Variants in FGD3 observed in about 807,000 individuals in gnomAD.
FGD3 encodes FYVE, RhoGEF and PH domain-containing protein 3.
FGD3 carries 45 observed loss-of-function variants against 71.8 expected under a neutral mutation model. The observed-to-expected ratio is 0.63, with a 90% CI of 0.49 to 0.80. FGD3 has a LOEUF of 0.80. Ranked by LOEUF, FGD3 falls within the 30% of genes least tolerant of loss-of-function variation. The pLI is 0.00. For missense variants in FGD3, 844 were observed against 951.5 expected (o/e 0.89, Z 1.49); for synonymous variants, 378 against 392.8 (o/e 0.96, Z 0.44).
intron 14 of FGD3, among the ~76,000 whole-genome samples, chr9:93,023,877 C>T (rs1458856760): frequency 6.7e-6 from 1 of 149,438 alleles, no homozygotes. Context: ...TCTCAGCTCA[C>T]TGCAACCTCC....
chr9:93,008,396 C>T (rs141772400), intron 6 of FGD3, among the ~76,000 whole-genome samples: 10 of 152,308 alleles, frequency 6.6e-5, no homozygotes, highest in Non-Finnish European at 1.5e-4. Context: ...ACACATTGCG[C>T]TCATTATTGT....
chr9:92,976,758 A>AGG (rs1859777836), intron 3 of FGD3, 49 bp downstream of exon 3: 5 of 1,495,422 alleles, frequency 3.3e-6, no homozygotes, highest in Non-Finnish European at 3.6e-6. Flanking sequence ...GCCTTTCCTT[A>AGG]GGAGGGGTTT....
intron 1 of FGD3, among the ~76,000 whole-genome samples, chr9:92,955,634 A>G (rs1859037373): frequency 6.6e-6 from 1 of 152,174 alleles, no homozygotes; most frequent in African/African-American, 2.4e-5. Context: ...GCAAAACGAT[A>G]TAGGACCATA....
chr9:93,008,275 G>A (rs1002561076), intron 6 of FGD3, among the ~76,000 whole-genome samples: 11 of 152,120 alleles, frequency 7.2e-5, no homozygotes, highest in Admixed American at 2.0e-4. Context: ...GATCAAAATC[G>A]GGGATTTTAC....
In FGD3 at chr9:93,003,618, G is replaced by A. The variant is rs1405015809; in HGVS notation, c.544-383G>A. ...ATCCACATGACAACGTGGGGTTTATGAGCACAGGAAATAAAGCACCCATGG... is the reference window on the plus strand; with the variant it reads ...ATCCACATGACAACGTGGGGTTTATAAGCACAGGAAATAAAGCACCCATGG... On this transcript the variant is annotated intron_variant, in intron 4 of 17. Coordinates refer to ENST00000375482, the MANE Select transcript of FGD3 (RefSeq NM_001083536.2). The surrounding 1 kb of genome is among the most constrained non-coding windows in gnomAD (Gnocchi z 4.1). Among the ~76,000 whole-genome samples the A allele has an allele frequency of 1.3e-5, 2 of 152,194 alleles. No homozygotes were observed. Among genetic ancestry groups the A allele is most frequent in the Non-Finnish European group, 2.9e-5 (2 of 68,036 alleles).
At chr9:93,012,404 C>T (rs1203365874) in intron 8 of FGD3, among the ~76,000 whole-genome samples, 1 of 152,084 alleles carries the variant, frequency 6.6e-6, no homozygotes, top group Non-Finnish European at 1.5e-5. Context: ...ACAAAGTGGT[C>T]CCCGGCCTGC....
chr9:92,978,848 C>T (rs1176095647), intron 3 of FGD3, among the ~76,000 whole-genome samples: 3 of 142,800 alleles, frequency 2.1e-5, no homozygotes, highest in Non-Finnish European at 3.0e-5. Flanking sequence ...TGCCCAGGCT[C>T]ATCTCAAACT....
At chr9:93,023,374 C>T (rs1861998376) in intron 14 of FGD3, among the ~76,000 whole-genome samples, 2 of 152,216 alleles carry the variant, frequency 1.3e-5, no homozygotes, top group Admixed American at 1.3e-4. Context: ...AGATGTAGTG[C>T]TTCAGGGGCA....
chr9:93,009,262 CAA>C (rs11435432), intron 6 of FGD3, among the ~76,000 whole-genome samples: 3 of 148,092 alleles, frequency 2.0e-5, no homozygotes, highest in African/African-American at 7.4e-5. Flanking sequence ...GACTCCGTCT[CAA>C]AAAAAAAAAA....
At chr9:92,993,537 A>G (rs886192952) in intron 3 of FGD3, among the ~76,000 whole-genome samples, 1 of 152,102 alleles carries the variant, frequency 6.6e-6, no homozygotes, top group Non-Finnish European at 1.5e-5. Context: ...ACATATGTAT[A>G]CATGTGCCAT....
At chr9:92,950,004 C>G (rs1471230943) in intron 1 of FGD3, among the ~76,000 whole-genome samples, 1 of 151,134 alleles carries the variant, frequency 6.6e-6, no homozygotes, top group Non-Finnish European at 1.5e-5. Context: ...TCCTTTTCCT[C>G]CCTTCCTTCC....
intron 3 of FGD3, among the ~76,000 whole-genome samples, chr9:92,987,623 T>A (rs7869421): frequency 0.62 from 94,757 of 151,820 alleles, 29,825 homozygotes; most frequent in African/African-American, 0.69. Flanking sequence ...GCTCCGTTTA[T>A]CCTTTGACTT....
intron 3 of FGD3, among the ~76,000 whole-genome samples, chr9:92,991,230 C>G (rs569133083): frequency 2.6e-5 from 4 of 152,208 alleles, no homozygotes; most frequent in Admixed American, 2.6e-4. Context: ...AGTCACCCAC[C>G]ACCACACCCA....
At chr9:92,956,028 T>C (rs1859044587) in intron 1 of FGD3, among the ~76,000 whole-genome samples, 1 of 152,230 alleles carries the variant, frequency 6.6e-6, no homozygotes, top group Non-Finnish European at 1.5e-5. Context: ...CATGTCTGCA[T>C]GTTCATTGCC....
intron 1 of FGD3, among the ~76,000 whole-genome samples, chr9:92,965,200 C>A (rs1859274662): frequency 1.3e-5 from 2 of 152,194 alleles, no homozygotes; most frequent in Admixed American, 1.3e-4. Context: ...TGGCCACACT[C>A]ATCTGTAAAG....
chr9:93,001,262 G>GT (rs1212474940), intron 3 of FGD3, among the ~76,000 whole-genome samples: 1 of 151,802 alleles, frequency 6.6e-6, no homozygotes, highest in Non-Finnish European at 1.5e-5. Context: ...CTATTTCGAT[G>GT]TTTTTTCTCA....
At chr9:93,014,912 C>T (rs1350443157) in intron 9 of FGD3, among the ~76,000 whole-genome samples, 2 of 152,072 alleles carry the variant, frequency 1.3e-5, no homozygotes, top group East Asian at 1.9e-4. Context: ...GGATTACAGG[C>T]GTGAGCCACC....
intron 3 of FGD3, among the ~76,000 whole-genome samples, chr9:92,997,409 G>T (rs1860690222): frequency 6.6e-6 from 1 of 152,004 alleles, no homozygotes; most frequent in African/African-American, 2.4e-5. Flanking sequence ...CACATTGATG[G>T]GTCTTGACTC....
chr9:93,010,441 G>A, intron 7 of FGD3, 57 bp downstream of exon 7: 1 of 1,524,346 alleles, frequency 6.6e-7, no homozygotes, highest in East Asian at 2.3e-5. Context: ...AAGAACTCTG[G>A]GGGTGGGGAG....
Sources: gnomAD v4.1 joint callset for allele counts (sites outside exome capture counted in the v4.1 genomes callset) on GRCh38, gnomAD v4.1.1 for gene constraint, Gnocchi (gnomAD v3.1) non-coding constraint, MANE v1.5 for transcripts, NCBI Gene and HGNC (gene_info 2026-07-23, HGNC 2026-07-21) for gene names.